GLIS1: variants seen among roughly 807,000 people sequenced by gnomAD.
GLIS1 encodes the protein zinc finger protein GLIS1.
A neutral mutation model predicts 63.8 loss-of-function variants in GLIS1; 24 were observed. The observed-to-expected ratio is 0.38, with a 90% CI of 0.27 to 0.53. The LOEUF (loss-of-function observed/expected upper bound fraction) is 0.53, where lower values mean the gene tolerates loss of function less well. Among genes scored for constraint, GLIS1 ranks in the 20% least tolerant of loss-of-function variants. The pLI is 0.85. For synonymous variants in GLIS1, 450 were observed against 482.5 expected, an observed-to-expected ratio of 0.93 and a Z score of 0.88; for missense variants, 1,036 against 1,074.1, an observed-to-expected ratio of 0.96 and a Z score of 0.50.
At chr1:53,736,549 G>A (rs1197590313) in intron 2 of GLIS1, among the ~76,000 whole-genome samples, 1 of 152,160 alleles carries the variant, frequency 6.6e-6, no homozygotes, top group African/African-American at 2.4e-5. Context: ...TCTGGTAAAA[G>A]AGACCTCATA....
chr1:53,702,262 G>T (rs992662203), intron 2 of GLIS1, among the ~76,000 whole-genome samples: 1 of 152,166 alleles, frequency 6.6e-6, no homozygotes, highest in African/African-American at 2.4e-5. Flanking sequence ...CTCTCCAGGA[G>T]GATGCCAAGG....
intron 4 of GLIS1, among the ~76,000 whole-genome samples, chr1:53,556,098 GGT>G (rs146005547): frequency 0.14 from 18,291 of 130,166 alleles, 1,380 homozygotes; most frequent in Non-Finnish European, 0.15. Context: ...GTGTACTGCA[GGT>G]GTGTGTGTGT....
In GLIS1 at chr1:53,700,674, G is replaced by A. The variant is rs139876314; in HGVS notation, c.259+37132C>T. 5.5e-3 allele frequency among the ~76,000 whole-genome samples: 842 copies of A among 152,182 alleles called. 3 individuals carry two copies. The highest frequency in any genetic ancestry group is 0.013 in the South Asian group (64 of 4,816). ...ACCCTTTTAAAGTGCACTATTTAGTGGTTCTTACCGTATTCAGAGAGGTGT... is the reference window on the plus strand; with the variant it reads ...ACCCTTTTAAAGTGCACTATTTAGTAGTTCTTACCGTATTCAGAGAGGTGT... On this transcript the variant is annotated intron_variant, in intron 2 of 10. Transcript: ENST00000628545.
rs554239780 is a variant in GLIS1, at chr1:53,575,204, CTATGGGCGCTGG to C, written c.1320+18892_1320+18903del. Among the ~76,000 whole-genome samples the C allele has an allele frequency of 1.4e-4, 22 of 152,344 alleles. No individual in the cohort carries two copies. In the South Asian group the frequency reaches 4.1e-3, roughly 29 times the overall value. ...AGATTGCAATTAACATCCCGGCTGC[CTATGGGCGCTGG>C]CCCTCACGGGGAACAGGAAGCTCAC... On this transcript the variant is annotated intron_variant, in intron 4 of 10. Transcript: ENST00000628545.
chr1:53,692,106 C>T (rs989004695), intron 2 of GLIS1, among the ~76,000 whole-genome samples: 31 of 152,298 alleles, frequency 2.0e-4, no homozygotes, highest in Admixed American at 2.0e-3. Context: ...TCCCTTTTTC[C>T]TAACACAAGC....
chr1:53,597,186 A>C (rs1469674804), intron 3 of GLIS1, among the ~76,000 whole-genome samples: 2 of 136,170 alleles, frequency 1.5e-5, no homozygotes, highest in African/African-American at 6.1e-5. Flanking sequence ...TAAAAAAAAA[A>C]AAAAAAAAAA....
At chr1:53,576,880 C>G (rs536501516) in intron 4 of GLIS1, among the ~76,000 whole-genome samples, 1 of 152,216 alleles carries the variant, frequency 6.6e-6, no homozygotes, top group South Asian at 2.1e-4. Context: ...TGCTTTCAAA[C>G]TGCCCTTTTC....
chr1:53,529,999 CAACCCTGCATGGAAACTAACCCCCCA>C, intron 4 of GLIS1, 47 bp from the exon 5 acceptor site: 1 of 1,582,270 alleles, frequency 6.3e-7, no homozygotes. Flanking sequence ...GTGGGCACCC[CAACCCTGCATGGAAACTAACCCCCCA>C]GGCCTGCCTG....
At chr1:53,588,514 G>C (rs909862003) in intron 4 of GLIS1, among the ~76,000 whole-genome samples, 5 of 152,144 alleles carry the variant, frequency 3.3e-5, no homozygotes, top group Admixed American at 6.6e-5. Flanking sequence ...TGTCTTCCCT[G>C]TTCTCTGTCT....
At chr1:53,657,625 G>A (rs566986001) in intron 2 of GLIS1, among the ~76,000 whole-genome samples, 31 of 152,158 alleles carry the variant, frequency 2.0e-4, no homozygotes, top group Non-Finnish European at 4.0e-4. Flanking sequence ...TGGAGGGGGA[G>A]AGGACCGGGT....
intron 4 of GLIS1, among the ~76,000 whole-genome samples, chr1:53,570,463 A>G (rs1644974303): frequency 6.6e-6 from 1 of 152,184 alleles, no homozygotes; most frequent in South Asian, 2.1e-4. Flanking sequence ...CACATATGGA[A>G]GAGCAAAGTC....
chr1:53,648,991 T>C (rs1309700517), intron 2 of GLIS1, among the ~76,000 whole-genome samples: 3 of 152,238 alleles, frequency 2.0e-5, no homozygotes, highest in African/African-American at 7.2e-5. Flanking sequence ...TTGAACAAGA[T>C]GGTTTTGAAC....
intron 2 of GLIS1, among the ~76,000 whole-genome samples, chr1:53,686,577 G>C (rs923444034): frequency 4.6e-5 from 7 of 152,150 alleles, no homozygotes; most frequent in African/African-American, 1.7e-4. Context: ...CACAGACTGT[G>C]GGGGGAGGCA....
intron 4 of GLIS1, among the ~76,000 whole-genome samples, chr1:53,556,566 G>GTAT (rs1644831668): frequency 3.6e-5 from 2 of 55,632 alleles, no homozygotes; most frequent in African/African-American, 1.7e-4. Context: ...TGTACTGCAG[G>GTAT]GGTGTGTGTA....
chr1:53,658,284 T>G (rs1350888752), intron 2 of GLIS1, among the ~76,000 whole-genome samples: 3 of 152,216 alleles, frequency 2.0e-5, no homozygotes, highest in African/African-American at 4.8e-5. Flanking sequence ...ACTATACACC[T>G]GATCTTTATT....
intron 2 of GLIS1, among the ~76,000 whole-genome samples, chr1:53,736,373 T>C (rs983360959): frequency 2.0e-5 from 3 of 152,236 alleles, no homozygotes; most frequent in East Asian, 1.9e-4. Context: ...GAGAGCTGTT[T>C]GCTAGGTCTG....
At chr1:53,683,788 A>G (rs1285522178) in intron 2 of GLIS1, among the ~76,000 whole-genome samples, 3 of 152,150 alleles carry the variant, frequency 2.0e-5, no homozygotes, top group Non-Finnish European at 4.4e-5. Flanking sequence ...GAGACCCTCA[A>G]GCACACAGTG....
intron 4 of GLIS1, among the ~76,000 whole-genome samples, chr1:53,577,663 G>T (rs1343401866): frequency 6.6e-6 from 1 of 152,196 alleles, no homozygotes; most frequent in Non-Finnish European, 1.5e-5. Flanking sequence ...TCCCATCATG[G>T]TGTCTGGGTA....
intron 2 of GLIS1, among the ~76,000 whole-genome samples, chr1:53,656,489 G>A (rs1438852343): frequency 6.6e-6 from 1 of 152,166 alleles, no homozygotes; most frequent in Non-Finnish European, 1.5e-5. Context: ...GAACACAGAT[G>A]GCAGGAAATT....
Sources: allele counts gnomAD v4.1 joint callset (sites outside exome capture counted in the v4.1 genomes callset), GRCh38; gene constraint gnomAD v4.1.1; transcripts MANE v1.5; gene names NCBI Gene and HGNC (gene_info 2026-07-23, HGNC 2026-07-21).